The following DYM variants were observed in gnomAD, a reference collection of about 807,000 sequenced individuals.
The protein encoded by DYM is dyggve-Melchior-Clausen syndrome protein.
Under a neutral mutation model 93.1 loss-of-function variants are expected in DYM, and 78 were observed. The observed-to-expected ratio is 0.84, with a 90% CI of 0.70 to 1.01. The LOEUF (loss-of-function observed/expected upper bound fraction) is 1.01. DYM is among the 50% of genes least tolerant of loss of function. The pLI is 0.00. For synonymous variants in DYM, 321 were observed against 319.7 expected, an observed-to-expected ratio of 1.00 and a Z score of -0.04; for missense variants, 789 against 845.0, an observed-to-expected ratio of 0.93 and a Z score of 0.82.
At chr18:49,153,961 A>C (rs1451026849) in intron 15 of DYM, among the ~76,000 whole-genome samples, 1 of 152,236 alleles carries the variant, frequency 6.6e-6, no homozygotes. Flanking sequence ...ACCTCACCTT[A>C]GCAAAATGGT....
intron 10 of DYM, among the ~76,000 whole-genome samples, chr18:49,272,707 A>G (rs1266112452): frequency 6.6e-6 from 1 of 152,184 alleles, no homozygotes. Context: ...TTTTAAAGCT[A>G]GTAAGTAAAA....
chr18:49,183,545 G>A (rs1387097532), intron 14 of DYM, among the ~76,000 whole-genome samples: 1 of 151,976 alleles, frequency 6.6e-6, no homozygotes, highest in African/African-American at 2.4e-5. Context: ...ATGTAGCTTA[G>A]AAAAATATTT....
At chr18:49,092,903 G>A (rs1311435548) in intron 17 of DYM, among the ~76,000 whole-genome samples, 2 of 152,186 alleles carry the variant, frequency 1.3e-5, no homozygotes, top group African/African-American at 2.4e-5. Context: ...AAGCCATGGA[G>A]AAAAGCCTCA....
chr18:49,039,369 T>C lies in DYM; in HGVS notation c.*4686A>G, dbSNP rs1424771614. On this transcript the variant is annotated 3_prime_UTR_variant, in exon 18 of 18. Transcript: ENST00000675505. ...TTGGTCTTCAACAGTTTTACTATGATGTTTCTAGGTGTGGGTTGTTTTTAT... is the reference window on the plus strand; with the variant it reads ...TTGGTCTTCAACAGTTTTACTATGACGTTTCTAGGTGTGGGTTGTTTTTAT... Among the ~76,000 whole-genome samples the C allele has an allele frequency of 6.6e-6, 1 of 152,226 alleles. No individual in the cohort carries two copies. The highest frequency in any genetic ancestry group is 1.5e-5 in the Non-Finnish European group (1 of 68,032).
intron 15 of DYM, among the ~76,000 whole-genome samples, chr18:49,151,231 G>A (rs944764782): frequency 2.6e-5 from 4 of 152,114 alleles, no homozygotes; most frequent in Non-Finnish European, 4.4e-5. Context: ...TGCTTTTCAT[G>A]TTCATTCTCT....
intron 2 of DYM, 93 bp downstream of exon 2, chr18:49,430,162 G>C: frequency 8.5e-7 from 1 of 1,181,034 alleles, no homozygotes; most frequent in Non-Finnish European, 1.3e-6. Flanking sequence ...TAGATAGATA[G>C]ACAGAACATT....
chr18:49,316,875 T>C (rs1039478965), intron 8 of DYM, among the ~76,000 whole-genome samples: 1 of 152,218 alleles, frequency 6.6e-6, no homozygotes, highest in Non-Finnish European at 1.5e-5. Context: ...TTCTTCCATG[T>C]CTTTTCCTGG....
At chr18:49,254,882 T>C (rs2094360174) in intron 13 of DYM, among the ~76,000 whole-genome samples, 1 of 152,260 alleles carries the variant, frequency 6.6e-6, no homozygotes, top group Non-Finnish European at 1.5e-5. Context: ...TAAAGCATGG[T>C]GACAAAGGTT....
intron 17 of DYM, among the ~76,000 whole-genome samples, chr18:49,075,513 AAAG>A (rs1438154308): frequency 2.0e-5 from 3 of 152,204 alleles, no homozygotes; most frequent in South Asian, 2.1e-4. Context: ...AAATGTAGGG[AAAG>A]AAGGATTCAG....
At chr18:49,147,792 T>C (rs989952013) in intron 15 of DYM, among the ~76,000 whole-genome samples, 3 of 152,216 alleles carry the variant, frequency 2.0e-5, no homozygotes, top group Admixed American at 2.0e-4. Context: ...TGGCGATTCC[T>C]CAGGGATCTA....
chr18:49,308,056 A>G (rs1468192637), intron 8 of DYM, among the ~76,000 whole-genome samples: 1 of 152,218 alleles, frequency 6.6e-6, no homozygotes, highest in Non-Finnish European at 1.5e-5. Flanking sequence ...AAATAAAATG[A>G]CATTACTTAA....
intron 13 of DYM, among the ~76,000 whole-genome samples, chr18:49,228,499 T>G (rs964534653): frequency 6.6e-6 from 1 of 152,102 alleles, no homozygotes; most frequent in Non-Finnish European, 1.5e-5. Flanking sequence ...TAATCATCCC[T>G]GGTCCCCAGC....
At position 49,043,581 on chromosome 18, in the gene DYM, A is replaced by G. The variant is rs2071089217; in HGVS notation, c.*474T>C. On this transcript the variant is annotated 3_prime_UTR_variant, in exon 18 of 18. Transcript: ENST00000675505. ...AATTCCTGCCTCATCATCTTTTCTC[A>G]TTGATGCTCCTTAATGTCAAAGGAA... 1 of 156,088 alleles carries G rather than the reference A, an allele frequency of 6.4e-6. No individual in the cohort carries two copies. Among genetic ancestry groups the G allele is most frequent in the South Asian group, 2.0e-4 (1 of 5,088 alleles). The allele number at this position is 156,088 out of a possible 1,614,324, so 9.7% of individuals were successfully genotyped here.
chr18:49,365,212 A>G (rs1369351404), intron 5 of DYM, among the ~76,000 whole-genome samples: 2 of 152,240 alleles, frequency 1.3e-5, no homozygotes, highest in Admixed American at 1.3e-4. Flanking sequence ...CCTAGCATTC[A>G]GAAATTATAA....
chr18:49,453,200 T>C (rs1230585301), intron 1 of DYM, among the ~76,000 whole-genome samples: 1 of 144,976 alleles, frequency 6.9e-6, no homozygotes, highest in Non-Finnish European at 1.5e-5. Context: ...AGGGGGGACT[T>C]GGAGAACTTT....
chr18:49,271,650 C>T (rs2094702099), intron 11 of DYM, among the ~76,000 whole-genome samples: 1 of 150,676 alleles, frequency 6.6e-6, no homozygotes. Context: ...TTTAAAACTA[C>T]ATATGTGTAT....
intron 8 of DYM, among the ~76,000 whole-genome samples, chr18:49,318,095 A>G (rs776884565): frequency 6.6e-6 from 1 of 151,984 alleles, no homozygotes; most frequent in African/African-American, 2.4e-5. Context: ...GATACCCCAC[A>G]CCCTTGCCCC....
At chr18:49,078,091 G>A (rs777861143) in intron 17 of DYM, among the ~76,000 whole-genome samples, 4 of 151,826 alleles carry the variant, frequency 2.6e-5, no homozygotes, top group Non-Finnish European at 4.4e-5. Context: ...TGGCTTTTGA[G>A]CTATTCATTT....
At chr18:49,184,255 C>T (rs1250713081) in intron 14 of DYM, among the ~76,000 whole-genome samples, 1 of 145,726 alleles carries the variant, frequency 6.9e-6, no homozygotes, top group Non-Finnish European at 1.5e-5. Context: ...TTTTTTTTGG[C>T]GGGGGAAGGG....
Sources: allele counts gnomAD v4.1 joint callset (sites outside exome capture counted in the v4.1 genomes callset), GRCh38; gene constraint gnomAD v4.1.1; transcripts MANE v1.5; gene names NCBI Gene and HGNC (gene_info 2026-07-23, HGNC 2026-07-21).